The following MAN2B1 variants were observed in gnomAD, a reference collection of about 807,000 sequenced individuals.
MAN2B1 encodes the protein lysosomal alpha-mannosidase.
MAN2B1 carries 99 observed loss-of-function variants against 127.5 expected under a neutral mutation model. The observed-to-expected ratio is 0.78, with a 90% CI of 0.66 to 0.92. MAN2B1 has a LOEUF of 0.92. MAN2B1 is among the 40% of genes least tolerant of loss of function. The pLI is 0.00. For synonymous variants in MAN2B1, 573 were observed against 568.8 expected, an observed-to-expected ratio of 1.01 and a Z score of -0.11; for missense variants, 1,304 against 1,384.8, an observed-to-expected ratio of 0.94 and a Z score of 0.93.
At chr19:12,661,209 C>A in intron 7 of MAN2B1, 51 bp downstream of exon 7, 1 of 1,306,904 alleles carries the variant, frequency 7.7e-7, no homozygotes, top group Admixed American at 1.7e-5. Context: ...CCAAGGCCCC[C>A]GGATGCAAGC....
rs1018456781 is a variant in MAN2B1 at position 12,647,719 on chromosome 19, C to T, written c.2665-121G>A. 2.7e-5 allele frequency: 22 copies of T among 800,114 alleles called. No homozygotes were observed. The African/African-American group carries it at 3.8e-4, about 14-fold the overall frequency. The allele number at this position is 800,114 out of a possible 1,614,324, so 49.6% of individuals were successfully genotyped here. A position where few individuals can be genotyped will look rare whatever the true frequency, so the allele number is the denominator to read the frequency against. On this transcript the variant is annotated intron_variant, in intron 21 of 23. Transcript: ENST00000456935. The surrounding 1 kb of genome is among the most constrained non-coding windows in gnomAD (Gnocchi z 4.9). Reference sequence around the variant, plus strand: ...GGGGCGGGGTTTCGCCGGAGAGGGGCAAGGCTCAGCCGAGAGGAGCGGCCA... The same window carrying T: ...GGGGCGGGGTTTCGCCGGAGAGGGGTAAGGCTCAGCCGAGAGGAGCGGCCA...
chr19:12,647,795 C>T lies in MAN2B1; in HGVS notation c.2665-197G>A. 2 of 609,146 alleles carry T rather than the reference C, an allele frequency of 3.3e-6. No individual in the cohort carries two copies. The highest frequency in any genetic ancestry group is 5.8e-6 in the Non-Finnish European group (2 of 345,300). The allele number at this position is 609,146 out of a possible 1,614,324, so 37.7% of individuals were successfully genotyped here. A position where few individuals can be genotyped will look rare whatever the true frequency, so the allele number is the denominator to read the frequency against. On this transcript the variant is annotated intron_variant, in intron 21 of 23. Coordinates refer to ENST00000456935, the MANE Select transcript of MAN2B1 (RefSeq NM_000528.4). The surrounding 1 kb of genome is among the most constrained non-coding windows in gnomAD (Gnocchi z 4.9). ...AATGGGGAGATGGGTCGGTCCCAAGCTTAGGGTTCGAGTCCCGATGGAGCA... is the reference window on the plus strand; with the variant it reads ...AATGGGGAGATGGGTCGGTCCCAAGTTTAGGGTTCGAGTCCCGATGGAGCA...
At chr19:12,650,483 C>G (rs2023818062) in intron 16 of MAN2B1, among the ~76,000 whole-genome samples, 1 of 151,496 alleles carries the variant, frequency 6.6e-6, no homozygotes, top group African/African-American at 2.4e-5. Flanking sequence ...CTCAGCCTCC[C>G]GAGTAGCTGG....
rs770976179 is a variant in MAN2B1 at position 12,650,014 on chromosome 19, G to A, written c.2166C>T (p.Gly722=). The change falls in exon 18 of 24, where the codon GGC becomes GGT. Residue 722 remains glycine (G), a splice_region_variant and synonymous_variant. Coordinates refer to ENST00000456935, the MANE Select transcript of MAN2B1 (RefSeq NM_000528.4). ...TGATGACCTCCTTCCCCCAGGTGTC[G>A]CTGTACCCAATGGGATGGCAAGGTT... The part of the protein sequence containing the change: ...LEWSVGPIPV[G]DTWGKEVISR... The A allele has an allele frequency of 9.3e-6, 15 of 1,613,688 alleles. No homozygotes were observed. The East Asian group carries it at 1.6e-4, about 17-fold the overall frequency.
At chr19:12,663,598 A>G (rs1250840317) in intron 5 of MAN2B1, 105 bp downstream of exon 5, 1 of 1,539,374 alleles carries the variant, frequency 6.5e-7, no homozygotes, top group East Asian at 2.4e-5. Flanking sequence ...CTTTGTTCCC[A>G]GACTATAGGA....
At position 12,661,206 on chromosome 19, in the gene MAN2B1, C is replaced by T. The variant is rs1260046781; in HGVS notation, c.1026+54G>A. On this transcript the variant is annotated intron_variant, in intron 7 of 23. Coordinates refer to ENST00000456935, the MANE Select transcript of MAN2B1 (RefSeq NM_000528.4). Reference sequence around the variant, plus strand: ...GAGAGCTATGCACATAACCCAAGGCCCCCGGATGCAAGCGCACATGTGCAC... The same window carrying T: ...GAGAGCTATGCACATAACCCAAGGCTCCCGGATGCAAGCGCACATGTGCAC... 4.8e-6 allele frequency: 6 copies of T among 1,249,904 alleles called. No individual in the cohort carries two copies. The Admixed American group carries it at 1.0e-4, about 21-fold the overall frequency. 77.4% of individuals were successfully genotyped at this position (1,249,904 alleles called of 1,614,324 possible).
At chr19:12,658,937 A>G in intron 7 of MAN2B1, 1 of 299,254 alleles carries the variant, frequency 3.3e-6, no homozygotes, top group South Asian at 3.0e-5. Flanking sequence ...GCTCACTGCA[A>G]GCTCCACCTC....
chr19:12,648,342 C>T lies in MAN2B1; in HGVS notation c.2497G>A (p.Gly833Arg), dbSNP rs144244650. Reference sequence around the variant, plus strand: ...CGCCCTCGCACCCACGCCCCCGACCCGTTCTCCATTAGTGGCTCCGATACT... The same window carrying T: ...CGCCCTCGCACCCACGCCCCCGACCTGTTCTCCATTAGTGGCTCCGATACT... The part of the protein sequence containing the change: ...RGVSEPLMEN[G>R]SGAWVRGRHL... Residue 833 changes from glycine (G) to arginine (R), a missense_variant, in exon 21 of 24, where the codon GGG (glycine) becomes AGG (arginine). Gly to Arg is a moderately radical substitution (Grantham distance 125, BLOSUM62 -2). Transcript: ENST00000456935. The T allele has an allele frequency of 1.9e-6, 3 of 1,613,728 alleles. No individual in the cohort carries two copies. Among genetic ancestry groups the T allele is most frequent in the Non-Finnish European group, 2.5e-6 (3 of 1,179,954 alleles).
intron 7 of MAN2B1, among the ~76,000 whole-genome samples, chr19:12,660,255 C>T (rs143391917): frequency 7.0e-4 from 107 of 152,324 alleles, no homozygotes; most frequent in African/African-American, 2.4e-3. Context: ...TCTGTAATCC[C>T]AGCACCTTGG....
intron 7 of MAN2B1, chr19:12,658,825 G>A: frequency 5.1e-6 from 2 of 392,892 alleles, no homozygotes; most frequent in Non-Finnish European, 9.6e-6. Flanking sequence ...AGGAATAATC[G>A]TTTTGCAGGA....
Position 12,648,259 on chromosome 19 carries a change from C to G in MAN2B1, c.2580G>C (p.Ala860=), listed in dbSNP as rs2145225071. The change falls in exon 21 of 24, where the codon GCG becomes GCC. Residue 860 remains alanine (A), a synonymous_variant. Transcript: ENST00000456935. The stretch of plus-strand genomic sequence containing the variant: ...CCTGAGGGGCCAGGACCTCCTGCTC[C>G]GCCAGGAGCCGGTGTCCGGCGGCTG... ...QAAAAGHRLL[A]EQEVLAPQVV... The G allele has an allele frequency of 5.0e-6, 8 of 1,604,302 alleles. No individual in the cohort carries two copies. The highest frequency in any genetic ancestry group is 5.9e-6 in the Non-Finnish European group (7 of 1,177,782).
intron 16 of MAN2B1, among the ~76,000 whole-genome samples, chr19:12,651,830 T>C (rs1441825525): frequency 6.6e-6 from 1 of 152,192 alleles, no homozygotes; most frequent in Non-Finnish European, 1.5e-5. Flanking sequence ...CTTCAAGCAG[T>C]GATATTTGGC....
chr19:12,647,239 T>C lies in MAN2B1; in HGVS notation c.2917A>G (p.Asn973Asp), dbSNP rs148080695. The change falls in exon 23 of 24, where the codon AAC becomes GAC. Residue 973 changes from asparagine to aspartate, a missense_variant. Physicochemically the swap from Asn to Asp is conservative, Grantham distance 23. Transcript: ENST00000456935. The surrounding 1 kb of genome is among the most constrained non-coding windows in gnomAD (Gnocchi z 4.9). Reference protein sequence around the residue: ...EAASRLKWTTNTGPTPHQTPY... With the variant: ...EAASRLKWTTDTGPTPHQTPY... ...CCCCTGACCAGGGCCCCACCTGTGT[T>C]TGTTGTCCACTTGAGCCTGGAGGCT... The C allele has an allele frequency of 6.9e-5, 111 of 1,613,610 alleles. No individual in the cohort carries two copies. In the African/African-American group the frequency reaches 1.3e-3, roughly 19 times the overall value.
rs747101669 is a variant in MAN2B1 at position 12,646,585 on chromosome 19, G to C, written c.*35C>G. On this transcript the variant is annotated 3_prime_UTR_variant, in exon 24 of 24. Transcript: ENST00000456935. ...CAGAGTCTGGTCTGCCCCCGGAGCA[G>C]GAGGCTTGGGCTTGGAGGGCCCATC... is the stretch of plus-strand genomic sequence containing the variant. 6.6e-7 allele frequency: 1 copy of C among 1,505,402 alleles called. No homozygotes were observed. The highest frequency in any genetic ancestry group is 1.1e-5 in the South Asian group (1 of 88,924). The allele number at this position is 1,505,402 out of a possible 1,614,324, so 93.3% of individuals were successfully genotyped here.
At chr19:12,662,036 G>T (rs1231065474) in intron 6 of MAN2B1, among the ~76,000 whole-genome samples, 1 of 151,992 alleles carries the variant, frequency 6.6e-6, no homozygotes, top group Non-Finnish European at 1.5e-5. Context: ...GTAGAGACAG[G>T]GTTTCGTCAT....
chr19:12,656,445 A>G, intron 13 of MAN2B1, 126 bp downstream of exon 13: 2 of 724,528 alleles, frequency 2.8e-6, no homozygotes, highest in Non-Finnish European at 5.0e-6. Flanking sequence ...AGAAGATACA[A>G]GAGGGGGGAA....
rs1599360112 is a variant in MAN2B1 at position 12,665,767 on chromosome 19, G to A, written c.198C>T (p.His66=). Residue 66 remains histidine, a synonymous_variant, in exon 2 of 24, where the codon CAC becomes CAT. Coordinates refer to ENST00000456935, the MANE Select transcript of MAN2B1 (RefSeq NM_000528.4). ...CGTCATCATGTGTGTGAGGCAGCAG[G>A]TGCACGTTCAGCATGTTCGGCTGCA... ...PTVQPNMLNV[H]LLPHTHDDVG... 6.2e-7 allele frequency: 1 copy of A among 1,614,150 alleles called. No homozygotes were observed. The highest frequency in any genetic ancestry group is 1.1e-5 in the South Asian group (1 of 91,086).
At chr19:12,660,591 G>A (rs1270358794) in intron 7 of MAN2B1, among the ~76,000 whole-genome samples, 3 of 152,144 alleles carry the variant, frequency 2.0e-5, no homozygotes, top group African/African-American at 7.2e-5. Context: ...TCAGAAAGAT[G>A]CTATGTGGCT....
At chr19:12,656,380 C>T (rs2023958114) in intron 13 of MAN2B1, 191 bp downstream of exon 13, 2 of 565,872 alleles carry the variant, frequency 3.5e-6, no homozygotes, top group African/African-American at 1.9e-5. Flanking sequence ...AAAGGGAGGA[C>T]CACTCACAGG....
Sources: gnomAD v4.1 joint callset for allele counts (sites outside exome capture counted in the v4.1 genomes callset) on GRCh38, gnomAD v4.1.1 for gene constraint, Gnocchi (gnomAD v3.1) non-coding constraint, MANE v1.5 for transcripts, NCBI Gene and HGNC (gene_info 2026-07-23, HGNC 2026-07-21) for gene names.